Variants in CACNA2D4 observed in about 807,000 individuals in gnomAD.
CACNA2D4 encodes calcium voltage-gated channel auxiliary subunit alpha2delta 4, also known as voltage-dependent calcium channel subunit alpha-2/delta-4.
A neutral mutation model predicts 163.8 loss-of-function variants in CACNA2D4; 157 were observed. The ratio of observed to expected loss-of-function variants is 0.96; its 90% CI spans 0.84 to 1.09. CACNA2D4 has a LOEUF of 1.09. CACNA2D4 is among the 50% of genes least tolerant of loss of function. The pLI, the probability that CACNA2D4 is intolerant of heterozygous loss-of-function variation, is 0.00. For synonymous variants in CACNA2D4, 598 were observed against 586.9 expected (o/e 1.02, Z -0.27); for missense variants, 1,410 against 1,479.9 (o/e 0.95, Z 0.78).
chr12:1,897,009 T>C (rs1051709992), intron 6 of CACNA2D4, among the ~76,000 whole-genome samples: 2 of 151,910 alleles, frequency 1.3e-5, no homozygotes, highest in Non-Finnish European at 2.9e-5. Context: ...AACTGGAGGG[T>C]GTTAAGTGAA....
In CACNA2D4 at chr12:1,828,205, G is replaced by A. The variant is rs1864440798; in HGVS notation, c.2551+12534C>T. ...GGGGCAGGCTCGCCCTGCAGTGGAG[G>A]CAAGTCTCCTGTGAGTACACCCCTG... On this transcript the variant is annotated intron_variant, in intron 26 of 37. Transcript: ENST00000382722. The surrounding 1 kb of genome is among the most constrained non-coding windows in gnomAD (Gnocchi z 4.2). 1.3e-6 allele frequency: 2 copies of A among 1,546,632 alleles called. No homozygotes were observed. The highest frequency in any genetic ancestry group is 1.7e-6 in the Non-Finnish European group (2 of 1,145,210).
intron 13 of CACNA2D4, 22 bp from the exon 14 acceptor site, chr12:1,879,903 G>C: frequency 6.4e-7 from 1 of 1,568,606 alleles, no homozygotes; most frequent in South Asian, 1.2e-5. Flanking sequence ...GGGAGAACAG[G>C]GGTCAGAAGG....
rs75497172 is a variant in CACNA2D4, at chr12:1,866,223, A to G, written c.1879-6017T>C. Among the ~76,000 whole-genome samples the G allele has an allele frequency of 2.7e-3, 407 of 152,322 alleles. 5 individuals carry two copies. Among genetic ancestry groups the G allele is most frequent in the African/African-American group, 9.3e-3 (385 of 41,576 alleles). ...TCAAATGCTCTTTTAGCATCTATTGAGATTACCCTCTATCTTTTCTTTTTT... is the reference window on the plus strand; with the variant it reads ...TCAAATGCTCTTTTAGCATCTATTGGGATTACCCTCTATCTTTTCTTTTTT... On this transcript the variant is annotated intron_variant, in intron 18 of 37. Coordinates refer to ENST00000382722, the MANE Select transcript of CACNA2D4 (RefSeq NM_172364.5).
rs76849658 is a variant in CACNA2D4 at position 1,882,182 on chromosome 12, C to T, written c.1485+685G>A. Among the ~76,000 whole-genome samples, 406 of 152,314 alleles carry T rather than the reference C, an allele frequency of 2.7e-3. 4 individuals are homozygous for T. Among genetic ancestry groups the T allele is most frequent in the African/African-American group, 9.2e-3 (384 of 41,562 alleles). On this transcript the variant is annotated intron_variant, in intron 13 of 37. Transcript: ENST00000382722. ...CAGCAAAGGGGACAGCAGGGAGGAG[C>T]CTGGGTCCCTGATGACCAGGCCAGA...
rs747468054 is a variant in CACNA2D4 at position 1,918,364 on chromosome 12, A to AG, written c.109dup (p.Leu37ProfsTer46). On this transcript the variant is annotated frameshift_variant, in exon 1 of 38. Transcript: ENST00000382722. LOFTEE classifies it high-confidence loss of function. ...GGCCCAGGCCACGGGCATTGGCTGGAGGGGAATCCAGCGGCTGCTGGAGCT... is the reference window on the plus strand; with the variant it reads ...GGCCCAGGCCACGGGCATTGGCTGGAGGGGGAATCCAGCGGCTGCTGGAGCT... 5.6e-6 allele frequency: 9 copies of AG among 1,605,380 alleles called. No individual in the cohort carries two copies. The East Asian group carries it at 2.0e-4, about 36-fold the overall frequency.
rs2286377 is a variant in CACNA2D4, at chr12:1,810,377, C to T, written c.2659-37G>A. 955,553 of 1,596,864 alleles carry T rather than the reference C, an allele frequency of 0.6. 291,688 individuals carry two copies. Among genetic ancestry groups the T allele is most frequent in the Non-Finnish European group, 0.63 (729,349 of 1,165,694 alleles). ...CCCAGAAGGGAGGTTATGCCAGGGC[C>T]CTCACCCACCCCGGTCCTCCAGCCT... On this transcript the variant is annotated intron_variant, in intron 28 of 37. Transcript: ENST00000382722.
At position 1,834,451 on chromosome 12, in the gene CACNA2D4, C is replaced by T. The variant is rs151123520; in HGVS notation, c.2551+6288G>A. ...GTCCAGAGCCTGCTAAGCCCAAGCC[C>T]GGGGCTGAGCCGGAGCCGGAGCCCA... On this transcript the variant is annotated intron_variant, in intron 26 of 37. Transcript: ENST00000382722. This position sits in a 1 kb window ranked among gnomAD's most constrained non-coding sequence, Gnocchi z 7.6. 9.1e-4 allele frequency: 1,463 copies of T among 1,611,874 alleles called. 3 individuals carry two copies. The highest frequency in any genetic ancestry group is 1.3e-3 in the East Asian group (57 of 44,874).
chr12:1,801,733 G>A, intron 29 of CACNA2D4, 89 bp from the exon 30 acceptor site: 1 of 903,518 alleles, frequency 1.1e-6, no homozygotes, highest in Admixed American at 2.8e-5. Context: ...ATTCAGCTCA[G>A]GTCGAGGCTT....
intron 18 of CACNA2D4, among the ~76,000 whole-genome samples, chr12:1,871,534 GAT>G (rs1328082266): frequency 1.3e-5 from 2 of 150,346 alleles, no homozygotes; most frequent in African/African-American, 4.9e-5. Context: ...GTGTGCCACT[GAT>G]GTGTGCGTGT....
chr12:1,893,604 G>T (rs58106028), intron 6 of CACNA2D4, among the ~76,000 whole-genome samples: 14,976 of 152,046 alleles, frequency 0.098, 858 homozygotes, highest in South Asian at 0.12. Context: ...AATAACAAGA[G>T]AAATTTTAGA....
At chr12:1,800,644 G>A (rs1863284521) in intron 31 of CACNA2D4, 1 of 608,386 alleles carries the variant, frequency 1.6e-6, no homozygotes, top group East Asian at 2.8e-5. Context: ...GCTGGGAAAT[G>A]CCTATTGCAG....
At chr12:1,854,913 G>A (rs952689066) in intron 22 of CACNA2D4, among the ~76,000 whole-genome samples, 5 of 152,088 alleles carry the variant, frequency 3.3e-5, no homozygotes, top group African/African-American at 9.7e-5. Context: ...TTCAGTCAGC[G>A]GCATTTAGTA....
chr12:1,886,753 G>A (rs952620204), intron 7 of CACNA2D4, among the ~76,000 whole-genome samples: 4 of 152,312 alleles, frequency 2.6e-5, no homozygotes, highest in South Asian at 2.1e-4. Flanking sequence ...AAAGGTTGAC[G>A]TGGAGACAGC....
At chr12:1,884,423 A>G in intron 11 of CACNA2D4, 102 bp from the exon 12 acceptor site, 1 of 930,772 alleles carries the variant, frequency 1.1e-6, no homozygotes, top group Non-Finnish European at 1.7e-6. Flanking sequence ...AGTGCCTCTC[A>G]GTCTTCGGGT....
chr12:1,871,082 GC>G (rs1865761270), intron 18 of CACNA2D4, among the ~76,000 whole-genome samples: 2 of 151,826 alleles, frequency 1.3e-5, no homozygotes, highest in African/African-American at 4.8e-5. Flanking sequence ...CGCACGTGTT[GC>G]TGGTGTGTGT....
chr12:1,823,436 G>A (rs142813846), intron 26 of CACNA2D4, among the ~76,000 whole-genome samples: 5 of 152,250 alleles, frequency 3.3e-5, no homozygotes, highest in East Asian at 1.9e-4. Context: ...TCCGTGCTCT[G>A]AGGGGGCCGA....
chr12:1,839,659 G>C (rs1350585307), intron 26 of CACNA2D4, among the ~76,000 whole-genome samples: 1 of 152,232 alleles, frequency 6.6e-6, no homozygotes, highest in Non-Finnish European at 1.5e-5. Context: ...GGACCACATG[G>C]GAGGCAGTCC....
intron 6 of CACNA2D4, among the ~76,000 whole-genome samples, chr12:1,892,277 GA>G (rs1049748427): frequency 1.3e-5 from 2 of 152,046 alleles, no homozygotes; most frequent in African/African-American, 4.8e-5. Context: ...ATTGGAAAAG[GA>G]AAAAAACTGC....
At chr12:1,838,496 G>C (rs1320264561) in intron 26 of CACNA2D4, among the ~76,000 whole-genome samples, 6 of 152,220 alleles carry the variant, frequency 3.9e-5, no homozygotes, top group Admixed American at 3.9e-4. Flanking sequence ...AGGCCAGGGA[G>C]AGGAAGTGGC....
Sources: allele counts gnomAD v4.1 joint callset (sites outside exome capture counted in the v4.1 genomes callset), GRCh38; gene constraint gnomAD v4.1.1; non-coding constraint Gnocchi (gnomAD v3.1); transcripts MANE v1.5; gene names NCBI Gene and HGNC (gene_info 2026-07-23, HGNC 2026-07-21).